CEP72: variants seen among roughly 807,000 people sequenced by gnomAD.
The protein encoded by CEP72 is centrosomal protein 72, also known as centrosomal protein of 72 kDa.
In CEP72, 78 loss-of-function variants were observed where a neutral mutation model predicts 65.7. The ratio of observed to expected loss-of-function variants is 1.19; its 90% CI spans 0.99 to 1.43. CEP72 has a LOEUF of 1.43. CEP72 is among the 40% of genes most tolerant of loss of function. The pLI is 0.00. For synonymous variants in CEP72, 358 were observed against 351.7 expected (o/e 1.02, Z -0.20); for missense variants, 914 against 832.9 (o/e 1.10, Z -1.20).
chr5:619,468 G>A (rs1331434987), intron 2 of CEP72, among the ~76,000 whole-genome samples: 1 of 152,184 alleles, frequency 6.6e-6, no homozygotes, highest in Admixed American at 6.5e-5. Flanking sequence ...CAACTACCAT[G>A]GCCTGATTGG....
downstream of CEP72, chr5:660,140 C>A (rs1414462207): frequency 2.0e-5 from 3 of 152,294 alleles, no homozygotes; most frequent in Admixed American, 6.5e-5. Context: ...TCACCCGTCA[C>A]ACTGATAAAG....
At chr5:643,264 C>A (rs1738177575) in intron 9 of CEP72, 12 of 985,298 alleles carry the variant, frequency 1.2e-5, no homozygotes, top group Non-Finnish European at 1.4e-5. Context: ...CTCACCGCAT[C>A]CTTGGGAGGC....
intron 4 of CEP72, among the ~76,000 whole-genome samples, chr5:632,952 TCCAG>T (rs1737300322): frequency 1.9e-5 from 2 of 103,198 alleles, no homozygotes. Flanking sequence ...TGGGGTTCTG[TCCAG>T]TGCCGGGATT....
At chr5:634,203 G>A (rs530647536) in intron 5 of CEP72, among the ~76,000 whole-genome samples, 1 of 152,344 alleles carries the variant, frequency 6.6e-6, no homozygotes, top group Admixed American at 6.5e-5. Flanking sequence ...CACAGGAAAA[G>A]GCAAACTGTC....
downstream of CEP72, among the ~76,000 whole-genome samples, chr5:658,725 G>A (rs1171220396): frequency 1.6e-5 from 2 of 123,444 alleles, no homozygotes; most frequent in Non-Finnish European, 3.2e-5. Flanking sequence ...CTGGAGTGCA[G>A]TGGCGTGATC....
intron 4 of CEP72, among the ~76,000 whole-genome samples, chr5:629,070 C>T (rs1737030709): frequency 6.6e-6 from 1 of 152,270 alleles, no homozygotes; most frequent in African/African-American, 2.4e-5. Flanking sequence ...GGTGTCGTAT[C>T]ATGAGCCACT....
intron 3 of CEP72, among the ~76,000 whole-genome samples, chr5:620,903 G>A (rs1157164762): frequency 1.3e-5 from 2 of 152,192 alleles, no homozygotes; most frequent in Non-Finnish European, 2.9e-5. Context: ...AGGCATTGTT[G>A]CTGTTGCTGT....
At chr5:648,547 G>A (rs1254446752) in intron 11 of CEP72, among the ~76,000 whole-genome samples, 8 of 146,312 alleles carry the variant, frequency 5.5e-5, no homozygotes, top group African/African-American at 2.1e-4. Flanking sequence ...TGACTGTGAG[G>A]TGTGACTGTG....
At chr5:629,940 G>GTGGGGTGCTGTCCAGTGCCGGGAT (rs1737112653) in intron 4 of CEP72, among the ~76,000 whole-genome samples, 1 of 66,454 alleles carries the variant, frequency 1.5e-5, no homozygotes. Context: ...CCCAGTCCTG[G>GTGGGGTGCTGTCCAGTGCCGGGAT]TGGGGTGCTG....
chr5:647,726 T>G, intron 10 of CEP72, 79 bp from the exon 11 acceptor site: 1 of 913,406 alleles, frequency 1.1e-6, no homozygotes, highest in South Asian at 1.5e-5. Context: ...CCAGTTTAAA[T>G]GTAGAATTGT....
the CEP72 span, among the ~76,000 whole-genome samples, chr5:675,124 G>C: frequency 2.1e-5 from 3 of 144,382 alleles, no homozygotes; most frequent in Non-Finnish European, 4.6e-5. Context: ...GGGGGGTACA[G>C]TGTGGCCAGG....
intron 4 of CEP72, among the ~76,000 whole-genome samples, chr5:627,440 C>T (rs1309737652): frequency 1.3e-5 from 2 of 152,176 alleles, no homozygotes; most frequent in African/African-American, 2.4e-5. Context: ...CTCAGGCTGG[C>T]GTTTCCACAG....
chr5:648,790 G>A (rs1738644163), intron 11 of CEP72, among the ~76,000 whole-genome samples: 1 of 130,112 alleles, frequency 7.7e-6, no homozygotes, highest in South Asian at 2.8e-4. Flanking sequence ...ACTGTGAGGT[G>A]TGACTGTGAG....
chr5:641,262 T>A, intron 9 of CEP72: 1 of 985,442 alleles, frequency 1.0e-6, no homozygotes, highest in Non-Finnish European at 1.2e-6. Flanking sequence ...CCCCACGGGC[T>A]GCTGGCATCC....
intron 9 of CEP72, chr5:642,975 C>G (rs1266897739): frequency 1.0e-6 from 1 of 985,380 alleles, no homozygotes; most frequent in African/African-American, 1.7e-5. Context: ...GTGCCTGGCA[C>G]GGCCTCTGAG....
chr5:657,183 C>T (rs976496466), downstream of CEP72: 3 of 152,186 alleles, frequency 2.0e-5, no homozygotes, highest in Non-Finnish European at 4.4e-5. Context: ...TACTACCTAG[C>T]ACCTGTGTTT....
rs1164579708 is a variant in CEP72 at position 623,131 on chromosome 5, T to C, written c.404-1340T>C. Among the ~76,000 whole-genome samples the C allele has an allele frequency of 2.0e-5, 3 of 151,882 alleles. No individual in the cohort carries two copies. Among genetic ancestry groups the C allele is most frequent in the African/African-American group, 7.3e-5 (3 of 41,334 alleles). ...TCTTAGTGTTTCTGCAGAGAGTTTC[T>C]GCAGAGAAGGAGCGCAGCCGTCTCC... On this transcript the variant is annotated intron_variant, in intron 3 of 11. Transcript: ENST00000264935. This position sits in a 1 kb window ranked among gnomAD's most constrained non-coding sequence, Gnocchi z 5.3.
chr5:637,504 C>G lies in CEP72; in HGVS notation c.905-13C>G. On this transcript the variant is annotated splice_polypyrimidine_tract_variant and intron_variant, in intron 6 of 11. Transcript: ENST00000264935. Reference sequence around the variant, plus strand: ...TTTGGCCTGACGTGCGCCCCATCCTCTCTATATCTCAGACTCCATGGATAC... The same window carrying G: ...TTTGGCCTGACGTGCGCCCCATCCTGTCTATATCTCAGACTCCATGGATAC... 1 of 1,606,104 alleles carries G rather than the reference C, an allele frequency of 6.2e-7. No homozygotes were observed. Among genetic ancestry groups the G allele is most frequent in the Non-Finnish European group, 8.5e-7 (1 of 1,174,796 alleles).
In CEP72 at chr5:644,368, A is replaced by C. The variant is rs757656784; in HGVS notation, c.1609A>C (p.Met537Leu). The C allele has an allele frequency of 6.8e-6, 11 of 1,613,974 alleles. No homozygotes were observed. Among genetic ancestry groups the C allele is most frequent in the Non-Finnish European group, 9.3e-6 (11 of 1,179,950 alleles). Reference protein sequence around the residue: ...NSRLKSLLLSMKKEVKSADTA... With the variant: ...NSRLKSLLLSLKKEVKSADTA... ...TAGGTTAAAATCGCTTTTGTTGAGT[A>C]TGAAAAAGGAAGTGAAGAGTGCAGA... The change falls in exon 10 of 12, where the codon ATG (methionine) becomes CTG (leucine). Residue 537 changes from methionine (M) to leucine (L), a missense_variant. By Grantham distance (15) the Met-to-Leu change is conservative. Transcript: ENST00000264935.
Sources: allele counts gnomAD v4.1 joint callset (sites outside exome capture counted in the v4.1 genomes callset), GRCh38; gene constraint gnomAD v4.1.1; non-coding constraint Gnocchi (gnomAD v3.1); transcripts MANE v1.5; gene names NCBI Gene and HGNC (gene_info 2026-07-23, HGNC 2026-07-21).